The following ORC4 variants were observed in gnomAD, a reference collection of about 807,000 sequenced individuals.
ORC4 encodes the protein origin recognition complex subunit 4.
A neutral mutation model predicts 63.9 loss-of-function variants in ORC4; 55 were observed. The observed-to-expected ratio is 0.86, with a 90% CI of 0.69 to 1.08. The LOEUF is 1.08. Among genes scored for constraint, ORC4 ranks in the 50% least tolerant of loss-of-function variants. ORC4 has a pLI of 0.00. For synonymous variants in ORC4, 150 were observed against 168.5 expected, an observed-to-expected ratio of 0.89 and a Z score of 0.85; for missense variants, 511 against 504.4, an observed-to-expected ratio of 1.01 and a Z score of -0.13.
At chr2:147,994,560 C>T (rs571684883) in intron 1 of ORC4, among the ~76,000 whole-genome samples, 5 of 152,216 alleles carry the variant, frequency 3.3e-5, no homozygotes, top group South Asian at 2.1e-4. Flanking sequence ...TGGTCTTTTA[C>T]GAATAAGCAA....
intron 1 of ORC4, among the ~76,000 whole-genome samples, chr2:148,014,560 C>G (rs1206987291): frequency 1.3e-5 from 2 of 152,112 alleles, no homozygotes; most frequent in Non-Finnish European, 2.9e-5. Flanking sequence ...CAGACACAGA[C>G]TTAGAAAATT....
chr2:147,990,947 C>T (rs1481697894), intron 1 of ORC4, among the ~76,000 whole-genome samples: 3 of 152,068 alleles, frequency 2.0e-5, no homozygotes, highest in Non-Finnish European at 4.4e-5. Flanking sequence ...GTAATCTTCA[C>T]TAGTACATGG....
intron 1 of ORC4, among the ~76,000 whole-genome samples, chr2:148,006,479 G>A (rs1272303530): frequency 1.3e-5 from 2 of 152,140 alleles, no homozygotes; most frequent in African/African-American, 4.8e-5. Context: ...ACCACCCGTG[G>A]CAGCTAAGGG....
chr2:147,938,736 G>A (rs1688200513), intron 11 of ORC4: 13 of 331,960 alleles, frequency 3.9e-5, no homozygotes, highest in Non-Finnish European at 6.7e-5. Context: ...CTTTGCGTAG[G>A]ATTTATCTAG....
intron 4 of ORC4, among the ~76,000 whole-genome samples, chr2:147,968,198 A>T (rs765313765): frequency 2.4e-4 from 37 of 152,234 alleles, no homozygotes; most frequent in East Asian, 1.7e-3. Context: ...CTACTAGAAG[A>T]AAACATAGGG....
At chr2:147,949,532 T>G (rs1213765799) in intron 8 of ORC4, among the ~76,000 whole-genome samples, 1 of 152,140 alleles carries the variant, frequency 6.6e-6, no homozygotes, top group Non-Finnish European at 1.5e-5. Flanking sequence ...AATTGTATAA[T>G]TTAAATGAGT....
At chr2:147,999,451 T>C (rs2105428560) in intron 1 of ORC4, among the ~76,000 whole-genome samples, 1 of 152,310 alleles carries the variant, frequency 6.6e-6, no homozygotes, top group South Asian at 2.1e-4. Context: ...ATTTTAAACT[T>C]GATTGTTCTT....
chr2:147,979,328 T>C (rs570223372), intron 1 of ORC4, among the ~76,000 whole-genome samples: 1 of 152,054 alleles, frequency 6.6e-6, no homozygotes, highest in Admixed American at 6.5e-5. Context: ...TTGATAAAAT[T>C]AAAAACCAGT....
At chr2:147,968,592 C>T (rs1412173131) in intron 4 of ORC4, among the ~76,000 whole-genome samples, 2 of 152,008 alleles carry the variant, frequency 1.3e-5, no homozygotes, top group African/African-American at 4.8e-5. Flanking sequence ...GAGGTATCAT[C>T]TCACTCCAGT....
At chr2:147,964,994 T>C (rs571198134) in intron 4 of ORC4, among the ~76,000 whole-genome samples, 20 of 152,184 alleles carry the variant, frequency 1.3e-4, no homozygotes, top group African/African-American at 3.6e-4. Context: ...AAATAAAATC[T>C]TTCACAGACA....
chr2:147,961,480 C>T (rs183490129), intron 4 of ORC4, among the ~76,000 whole-genome samples: 1 of 151,570 alleles, frequency 6.6e-6, no homozygotes, highest in Non-Finnish European at 1.5e-5. Context: ...ATTATACTAT[C>T]GAGAGTTATT....
intron 4 of ORC4, among the ~76,000 whole-genome samples, chr2:147,964,049 A>G (rs1210198569): frequency 6.6e-6 from 1 of 152,182 alleles, no homozygotes; most frequent in African/African-American, 2.4e-5. Flanking sequence ...GACACATTAA[A>G]CATAAAAAAG....
At chr2:148,020,153 A>C (rs1028241628) in intron 1 of ORC4, among the ~76,000 whole-genome samples, 1 of 152,156 alleles carries the variant, frequency 6.6e-6, no homozygotes, top group African/African-American at 2.4e-5. Flanking sequence ...CCTTCCCCAA[A>C]GCCACTCCAG....
In ORC4 at chr2:147,932,606, AT is replaced by A. The variant is rs1687831450; in HGVS notation, c.*2903del. On this transcript the variant is annotated 3_prime_UTR_variant, in exon 14 of 14. Transcript: ENST00000392857. ...TGAGGATAGTGGTGAGTGAAGGGAG[AT>A]TTGTTAATTATGGCATTTCCCTCTA... 1 of 152,080 alleles carries A rather than the reference AT, an allele frequency of 6.6e-6. No homozygotes were observed. The highest frequency in any genetic ancestry group is 6.6e-5 in the Admixed American group (1 of 15,236). The allele number at this position is 152,080 out of a possible 1,614,324, so 9.4% of individuals were successfully genotyped here. A position where few individuals can be genotyped will look rare whatever the true frequency, so the allele number is the denominator to read the frequency against.
chr2:147,932,102 CAA>C lies in ORC4; in HGVS notation c.*3406_*3407del, dbSNP rs1687798229. 1 of 151,168 alleles carries C rather than the reference CAA, an allele frequency of 6.6e-6. No homozygotes were observed. The highest frequency in any genetic ancestry group is 2.1e-4 in the South Asian group (1 of 4,752). 9.4% of individuals were successfully genotyped at this position (151,168 alleles called of 1,614,324 possible). A position where few individuals can be genotyped will look rare whatever the true frequency, so the allele number is the denominator to read the frequency against. ...TCCTTAAGCTGATAAGCAACTTCAG[CAA>C]AGTCTCAGGATACAAAATCAATGTA... On this transcript the variant is annotated 3_prime_UTR_variant, in exon 14 of 14. Coordinates refer to ENST00000392857, the MANE Select transcript of ORC4 (RefSeq NM_181741.4).
Position 147,973,460 on chromosome 2 carries a change from T to G in ORC4, c.122A>C (p.Gln41Pro). The change falls in exon 3 of 14, where the codon CAA (glutamine) becomes CCA (proline). Residue 41 changes from glutamine to proline, a missense_variant. Coordinates refer to ENST00000392857, the MANE Select transcript of ORC4 (RefSeq NM_181741.4). Reference sequence around the variant, plus strand: ...CAGCTAGACTTACTTGTATTGTACTTGCACTCCAAATAGGTTACTATGTGG... The same window carrying G: ...CAGCTAGACTTACTTGTATTGTACTGGCACTCCAAATAGGTTACTATGTGG... ...QSPHSNLFGV[Q>P]VQYKHLSELL... 1 of 1,600,126 alleles carries G rather than the reference T, an allele frequency of 6.2e-7. No individual in the cohort carries two copies. The highest frequency in any genetic ancestry group is 8.6e-7 in the Non-Finnish European group (1 of 1,167,524).
chr2:147,939,348 G>T, intron 10 of ORC4, 100 bp from the exon 11 acceptor site: 1 of 736,286 alleles, frequency 1.4e-6, no homozygotes, highest in East Asian at 2.6e-5. Flanking sequence ...TCTTAAGGGA[G>T]AGTAAATATT....
At chr2:147,991,766 T>C (rs532754577) in intron 1 of ORC4, among the ~76,000 whole-genome samples, 2 of 152,234 alleles carry the variant, frequency 1.3e-5, no homozygotes, top group South Asian at 2.1e-4. Context: ...AGGCGGAGGC[T>C]GCAGTAAGCG....
chr2:147,990,741 T>A (rs909754890), intron 1 of ORC4, among the ~76,000 whole-genome samples: 1 of 152,224 alleles, frequency 6.6e-6, no homozygotes, highest in Non-Finnish European at 1.5e-5. Flanking sequence ...CACAATTTAC[T>A]TAAGGACACA....
Sources: gnomAD v4.1 joint callset for allele counts (sites outside exome capture counted in the v4.1 genomes callset) on GRCh38, gnomAD v4.1.1 for gene constraint, MANE v1.5 for transcripts, NCBI Gene and HGNC (gene_info 2026-07-23, HGNC 2026-07-21) for gene names.